The following TRIM37 variants were observed in gnomAD, a reference collection of about 807,000 sequenced individuals.
The protein encoded by TRIM37 is tripartite motif containing 37.
A neutral mutation model predicts 129.8 loss-of-function variants in TRIM37; 80 were observed. That is an observed-to-expected ratio of 0.62 (90% CI 0.51 to 0.74). The LOEUF is 0.74. TRIM37 is among the 30% of genes least tolerant of loss of function. The pLI is 0.00. For missense variants in TRIM37, 1,054 were observed against 1,176.5 expected (o/e 0.90, Z 1.52); for synonymous variants, 389 against 387.1 (o/e 1.00, Z -0.06).
At chr17:59,026,145 T>C (rs538437725) in intron 19 of TRIM37, among the ~76,000 whole-genome samples, 1 of 152,234 alleles carries the variant, frequency 6.6e-6, no homozygotes, top group South Asian at 2.1e-4. Context: ...TCAACAATGG[T>C]GCTAAAACCA....
chr17:58,988,195 C>T (rs958933021), intron 24 of TRIM37, among the ~76,000 whole-genome samples: 2 of 152,110 alleles, frequency 1.3e-5, no homozygotes, highest in African/African-American at 2.4e-5. Flanking sequence ...TGTTAAGACC[C>T]GGGGGCCTGC....
Position 59,106,450 on chromosome 17 carries a change from C to G in TRIM37, c.12G>C (p.Gln4His), listed in dbSNP as rs1353171763. ...CTCACAACCCCCTCACCTCCACGCT[C>G]TGTTCATCCATTGCCTCCGGCTCTC... is the stretch of plus-strand genomic sequence containing the variant. MDEQSVESIAEVFR... is the reference protein window; with the variant it reads MDEHSVESIAEVFR... Residue 4 changes from glutamine (Q) to histidine (H), a missense_variant, in exon 1 of 24, where the codon CAG becomes CAC. Gln to His is a conservative substitution (Grantham distance 24, BLOSUM62 0). This residue lies in a region of TRIM37 where 752 missense variants were observed against 870.8 expected (regional missense o/e 0.86). Coordinates refer to ENST00000262294, the MANE Select transcript of TRIM37 (RefSeq NM_015294.6). 2 of 1,614,142 alleles carry G rather than the reference C, an allele frequency of 1.2e-6. No individual in the cohort carries two copies. Among genetic ancestry groups the G allele is most frequent in the Non-Finnish European group, 1.7e-6 (2 of 1,180,004 alleles).
chr17:59,040,870 C>A (rs1442294191), intron 17 of TRIM37, among the ~76,000 whole-genome samples: 1 of 151,626 alleles, frequency 6.6e-6, no homozygotes, highest in African/African-American at 2.4e-5. Flanking sequence ...CAAGGTGAAA[C>A]CCCGTCTCTA....
In TRIM37 at chr17:59,028,651, A is replaced by G. The variant is rs891225571; in HGVS notation, c.2021T>C (p.Met674Thr). Residue 674 changes from methionine (M) to threonine (T), a missense_variant, in exon 19 of 24, where the codon ATG becomes ACG. By Grantham distance (81) the Met-to-Thr change is moderately conservative. Coordinates refer to ENST00000262294, the MANE Select transcript of TRIM37 (RefSeq NM_015294.6). Reference sequence around the variant, plus strand: ...CATTTGAGTTTTGAGTCTTTTTAGCATCTTTAAATCAGAGGGCACTCGCCA... The same window carrying G: ...CATTTGAGTTTTGAGTCTTTTTAGCGTCTTTAAATCAGAGGGCACTCGCCA... The part of the protein sequence containing the change: ...AMWRVPSDLK[M>T]LKRLKTQMAE... The G allele has an allele frequency of 3.1e-6, 5 of 1,614,218 alleles. No individual in the cohort carries two copies. Among genetic ancestry groups the G allele is most frequent in the Non-Finnish European group, 4.2e-6 (5 of 1,180,034 alleles).
chr17:59,004,007 G>A (rs2034141604), intron 22 of TRIM37, among the ~76,000 whole-genome samples: 1 of 152,018 alleles, frequency 6.6e-6, no homozygotes, highest in African/African-American at 2.4e-5. Context: ...TACTAGGGAG[G>A]CTGAGGAGGG....
Position 59,056,938 on chromosome 17 carries a change from A to T in TRIM37, c.1136T>A (p.Phe379Tyr). Residue 379 changes from phenylalanine to tyrosine, a missense_variant, in exon 13 of 24, where the codon TTC becomes TAC. Physicochemically the swap from Phe to Tyr is conservative, Grantham distance 22 (BLOSUM62 3). Around this residue, in one of 3 missense-constraint regions of TRIM37, gnomAD observed 752 missense variants for 870.8 expected, o/e 0.86. Coordinates refer to ENST00000262294, the MANE Select transcript of TRIM37 (RefSeq NM_015294.6). The stretch of plus-strand genomic sequence containing the variant: ...TTCATTTGCGAGTAAGTCCAAACGG[A>T]AAAATCTATTATAGCCCCAGCATTC... ...VGECWGYNRF[F>Y]RLDLLANEGY... The T allele has an allele frequency of 1.2e-6, 2 of 1,613,810 alleles. No individual in the cohort carries two copies. The highest frequency in any genetic ancestry group is 8.5e-7 in the Non-Finnish European group (1 of 1,179,892).
chr17:59,012,223 A>G, intron 22 of TRIM37, 105 bp downstream of exon 22: 1 of 742,572 alleles, frequency 1.3e-6, no homozygotes, highest in Non-Finnish European at 2.3e-6. Context: ...CACCAGCAGC[A>G]GCAGCACCAC....
intron 18 of TRIM37, among the ~76,000 whole-genome samples, chr17:59,028,990 C>T (rs962536225): frequency 2.6e-5 from 4 of 152,126 alleles, no homozygotes; most frequent in African/African-American, 9.7e-5. Flanking sequence ...GCCCTACTGC[C>T]TTGTGCTTTC....
chr17:59,090,631 C>T (rs746657012), intron 3 of TRIM37, among the ~76,000 whole-genome samples: 3 of 152,048 alleles, frequency 2.0e-5, no homozygotes, highest in East Asian at 1.9e-4. Flanking sequence ...GACAGACTCT[C>T]GCTCTGTGGC....
intron 2 of TRIM37, among the ~76,000 whole-genome samples, chr17:59,101,015 G>A (rs1490901786): frequency 5.6e-5 from 7 of 125,300 alleles, no homozygotes; most frequent in Non-Finnish European, 8.3e-5. Flanking sequence ...AGAGCAAAAC[G>A]CCGTCTCAAA....
At chr17:59,057,397 G>A (rs2041048530) in intron 12 of TRIM37, among the ~76,000 whole-genome samples, 1 of 152,210 alleles carries the variant, frequency 6.6e-6, no homozygotes, top group Non-Finnish European at 1.5e-5. Context: ...TTTTAGTGGA[G>A]ACGGGGGTTC....
chr17:58,977,440 CAAA>C, the TRIM37 span, among the ~76,000 whole-genome samples: 7 of 62,056 alleles, frequency 1.1e-4, no homozygotes, highest in Non-Finnish European at 1.0e-4. Context: ...GACTCTGTCT[CAAA>C]AAAAAAAAAA....
At chr17:59,043,612 C>T (rs1412022510) in intron 16 of TRIM37, among the ~76,000 whole-genome samples, 1 of 152,172 alleles carries the variant, frequency 6.6e-6, no homozygotes, top group Non-Finnish European at 1.5e-5. Context: ...AGTACAGGCA[C>T]ACACGGCCAA....
chr17:59,053,933 T>TACACA (rs1555671747), intron 13 of TRIM37, among the ~76,000 whole-genome samples: 7,309 of 151,028 alleles, frequency 0.048, 265 homozygotes, highest in Middle Eastern at 0.082. Flanking sequence ...ACACTGACTC[T>TACACA]AAACAAAACA....
rs562293987 is a variant in TRIM37, at chr17:59,033,972, T to A, written c.1754-1882A>T. On this transcript the variant is annotated intron_variant, in intron 17 of 23. Transcript: ENST00000262294. ...AATACAAAAGAATAGCCAGGTGTGG[T>A]GGCAGGCACCTGTAATCCCAGCTAC... is the stretch of plus-strand genomic sequence containing the variant. Among the ~76,000 whole-genome samples the A allele has an allele frequency of 2.0e-5, 3 of 151,712 alleles. No individual in the cohort carries two copies. The South Asian group carries it at 6.2e-4, about 32-fold the overall frequency.
At position 59,079,822 on chromosome 17, in the gene TRIM37, C is replaced by T. The variant is rs751854630; in HGVS notation, c.548G>A (p.Arg183Lys). ...NAKDERVREIRNAVEMMIARL... is the reference protein window; with the variant it reads ...NAKDERVREIKNAVEMMIARL... ...TGCAATCATCATCTCCACTGCATTC[C>T]TAATTTCCCGAACACGCTCATCTTT... Residue 183 changes from arginine (R) to lysine (K), a missense_variant, in exon 7 of 24, where the codon AGG becomes AAG. This residue lies in a region of TRIM37 where 752 missense variants were observed against 870.8 expected (regional missense o/e 0.86). Coordinates refer to ENST00000262294, the MANE Select transcript of TRIM37 (RefSeq NM_015294.6). The T allele has an allele frequency of 1.2e-6, 2 of 1,614,078 alleles. No individual in the cohort carries two copies. The highest frequency in any genetic ancestry group is 1.7e-6 in the Non-Finnish European group (2 of 1,179,960).
In TRIM37 at chr17:59,080,372, G is replaced by A. The variant is rs146785174; in HGVS notation, c.493-495C>T. Among the ~76,000 whole-genome samples, 361 of 152,286 alleles carry A rather than the reference G, an allele frequency of 2.4e-3. 4 individuals are homozygous for A. The highest frequency in any genetic ancestry group is 8.3e-3 in the African/African-American group (345 of 41,546). On this transcript the variant is annotated intron_variant, in intron 6 of 23. Coordinates refer to ENST00000262294, the MANE Select transcript of TRIM37 (RefSeq NM_015294.6). ...TAAATATTGCACTTTCAAGTCTGTG[G>A]AGTTCTAAATCAGGACATCACAAAT...
intron 13 of TRIM37, among the ~76,000 whole-genome samples, chr17:59,055,495 C>A (rs566421798): frequency 2.6e-5 from 4 of 151,462 alleles, no homozygotes; most frequent in Non-Finnish European, 5.9e-5. Context: ...GAGATCGAGA[C>A]CATCCTGGCT....
In TRIM37 at chr17:59,106,709, C is replaced by T. The variant is rs1823126814; in HGVS notation, c.-248G>A. The T allele has an allele frequency of 1.7e-6, 1 of 585,954 alleles. No individual in the cohort carries two copies. Among genetic ancestry groups the T allele is most frequent in the Non-Finnish European group, 3.0e-6 (1 of 329,994 alleles). 36.3% of individuals were successfully genotyped at this position (585,954 alleles called of 1,614,324 possible). A position where few individuals can be genotyped will look rare whatever the true frequency, so the allele number is the denominator to read the frequency against. ...GTAGGGCGAACGGTGGCCGCAGCTC[C>T]TTTCTCCCGGCTCAGCCGCCGGCCA... On this transcript the variant is annotated 5_prime_UTR_variant, in exon 1 of 24. Transcript: ENST00000262294.
Sources: gnomAD v4.1 joint callset for allele counts (sites outside exome capture counted in the v4.1 genomes callset) on GRCh38, gnomAD v4.1.1 for gene constraint, gnomAD v4.1.1 regional missense constraint, MANE v1.5 for transcripts, NCBI Gene and HGNC (gene_info 2026-07-23, HGNC 2026-07-21) for gene names.